Variants in RPH3A observed in about 807,000 individuals in gnomAD.
RPH3A encodes the protein rabphilin 3A, also known as rabphilin-3A.
RPH3A carries 48 observed loss-of-function variants against 102.2 expected under a neutral mutation model. The ratio of observed to expected loss-of-function variants is 0.47; its 90% CI spans 0.37 to 0.60. RPH3A has a LOEUF of 0.60. Among genes scored for constraint, RPH3A ranks in the 20% least tolerant of loss-of-function variants. The pLI, the probability that RPH3A is intolerant of heterozygous loss-of-function variation, is 0.00. For missense variants in RPH3A, 781 were observed against 910.1 expected, an observed-to-expected ratio of 0.86 and a Z score of 1.83; for synonymous variants, 310 against 324.3, an observed-to-expected ratio of 0.96 and a Z score of 0.47.
chr12:112,895,605 AG>A, intron 20 of RPH3A, 171 bp from the exon 21 acceptor site: 1 of 568,936 alleles, frequency 1.8e-6, no homozygotes. Flanking sequence ...GTTTGTTGGA[AG>A]GGGATCACGG....
intron 1 of RPH3A, among the ~76,000 whole-genome samples, chr12:112,758,035 A>G (rs533777107): frequency 6.6e-6 from 1 of 152,108 alleles, no homozygotes; most frequent in Non-Finnish European, 1.5e-5. Context: ...ACCCACCCTC[A>G]TGCTGGTGCT....
intron 2 of RPH3A, among the ~76,000 whole-genome samples, chr12:112,810,996 G>A (rs1167282503): frequency 1.3e-5 from 2 of 151,844 alleles, no homozygotes; most frequent in African/African-American, 4.8e-5. Context: ...TATAGATAAA[G>A]AGAGAGCGAG....
chr12:112,643,570 A>C lies in RPH3A; in HGVS notation c.-140+68251A>C, dbSNP rs904674203. On this transcript the variant is annotated intron_variant, in intron 1 of 21. Coordinates refer to the RPH3A transcript ENST00000543106. ...TTCTGCTACATGGGGCTTAAAATCCAGCCTCACTTTCATCTCAGTGTAAAA... is the reference window on the plus strand; with the variant it reads ...TTCTGCTACATGGGGCTTAAAATCCCGCCTCACTTTCATCTCAGTGTAAAA... Among the ~76,000 whole-genome samples the C allele has an allele frequency of 2.6e-5, 4 of 152,390 alleles. No homozygotes were observed. The South Asian group carries it at 8.3e-4, about 32-fold the overall frequency.
At chr12:112,753,405 G>A (rs1445335278) in intron 1 of RPH3A, among the ~76,000 whole-genome samples, 1 of 152,152 alleles carries the variant, frequency 6.6e-6, no homozygotes, top group Non-Finnish European at 1.5e-5. Context: ...ACACAGGGGA[G>A]GCAACAAATA....
chr12:112,887,842 T>C lies in RPH3A; in HGVS notation c.1482T>C (p.Ile494=). 6.2e-7 allele frequency: 1 copy of C among 1,613,998 alleles called. No individual in the cohort carries two copies. The highest frequency in any genetic ancestry group is 1.1e-5 in the South Asian group (1 of 91,080). Residue 494 remains isoleucine, a synonymous_variant, in exon 17 of 22, where the codon ATT becomes ATC. Transcript: ENST00000389385. ...ACAAATTTGGCCACAATGAATTTAT[T>C]GGTGAGACCAGATTCTCCCTCAAGA... ...DEDKFGHNEF[I]GETRFSLKKL... is the part of the protein sequence containing the mutation.
In RPH3A at chr12:112,864,376, G is replaced by A. The variant is rs528161306; in HGVS notation, c.231-1038G>A. ...TGAGGCAGGAGAATTGCTTGAACCC[G>A]GGAGGCAGAGGTTGCAGTGAGCCCA... On this transcript the variant is annotated intron_variant, in intron 5 of 21. Transcript: ENST00000389385. Among the ~76,000 whole-genome samples, 4 of 151,686 alleles carry A rather than the reference G, an allele frequency of 2.6e-5. No homozygotes were observed. In the South Asian group the frequency reaches 6.2e-4, roughly 24 times the overall value.
upstream of RPH3A, among the ~76,000 whole-genome samples, chr12:112,790,057 T>A (rs1226904738): frequency 1.3e-5 from 2 of 151,884 alleles, no homozygotes; most frequent in African/African-American, 2.4e-5. Flanking sequence ...AGACACTGTC[T>A]TTTTCTTTTT....
intron 5 of RPH3A, 87 bp downstream of exon 5, chr12:112,847,929 G>T (rs1182598139): frequency 1.2e-5 from 18 of 1,478,496 alleles, no homozygotes; most frequent in African/African-American, 5.6e-5. Flanking sequence ...CTCAAACGGG[G>T]TGTGCTGGGC....
chr12:112,684,128 G>C (rs145960939), intron 1 of RPH3A, among the ~76,000 whole-genome samples: 23 of 152,274 alleles, frequency 1.5e-4, no homozygotes, highest in African/African-American at 5.1e-4. Context: ...TGATTCCTAA[G>C]AGTAGAGTTG....
At chr12:112,806,013 AT>A (rs1268396128) in intron 2 of RPH3A, among the ~76,000 whole-genome samples, 9 of 152,352 alleles carry the variant, frequency 5.9e-5, no homozygotes, top group African/African-American at 2.2e-4. Flanking sequence ...TATTTGATTC[AT>A]TAATTGTATT....
At chr12:112,886,553 T>A (rs2136256940) in intron 16 of RPH3A, among the ~76,000 whole-genome samples, 1 of 152,258 alleles carries the variant, frequency 6.6e-6, no homozygotes, top group Admixed American at 6.5e-5. Flanking sequence ...GCTCACCTCC[T>A]CCTGTGCAGC....
chr12:112,728,433 T>C (rs1040403893), intron 1 of RPH3A, among the ~76,000 whole-genome samples: 3 of 152,168 alleles, frequency 2.0e-5, no homozygotes, highest in Admixed American at 6.5e-5. Flanking sequence ...AGGCATCAAA[T>C]GAACGCCCTC....
intron 1 of RPH3A, among the ~76,000 whole-genome samples, chr12:112,598,738 T>C (rs2039536318): frequency 6.6e-6 from 1 of 151,944 alleles, no homozygotes; most frequent in Admixed American, 6.6e-5. Context: ...AAGTTACCAA[T>C]AGCAGCAGCA....
intron 16 of RPH3A, among the ~76,000 whole-genome samples, chr12:112,886,376 A>C (rs1241939791): frequency 6.6e-6 from 1 of 152,052 alleles, no homozygotes; most frequent in Non-Finnish European, 1.5e-5. Context: ...TTACAGGATG[A>C]AACTGTTCCA....
At chr12:112,687,688 G>A (rs942773678) in intron 1 of RPH3A, among the ~76,000 whole-genome samples, 1 of 152,194 alleles carries the variant, frequency 6.6e-6, no homozygotes, top group African/African-American at 2.4e-5. Flanking sequence ...CTGCCAGATT[G>A]TGGATGCCAT....
intron 1 of RPH3A, among the ~76,000 whole-genome samples, chr12:112,689,506 A>T (rs2040291196): frequency 6.6e-6 from 1 of 152,242 alleles, no homozygotes; most frequent in Non-Finnish European, 1.5e-5. Flanking sequence ...CAGGCTGCTG[A>T]TTTGTAACCT....
intron 1 of RPH3A, among the ~76,000 whole-genome samples, chr12:112,716,099 G>A (rs547292730): frequency 2.0e-5 from 3 of 152,256 alleles, no homozygotes; most frequent in East Asian, 3.9e-4. Context: ...GAGGATGACC[G>A]GAGGTTACTT....
intron 19 of RPH3A, chr12:112,893,397 C>G (rs1395397600): frequency 6.6e-6 from 1 of 152,172 alleles, no homozygotes; most frequent in South Asian, 2.1e-4. Context: ...GGTAAAGTTA[C>G]GCTCATGTTT....
chr12:112,800,935 C>T (rs142512307), intron 2 of RPH3A, among the ~76,000 whole-genome samples: 261 of 152,182 alleles, frequency 1.7e-3, no homozygotes, highest in African/African-American at 6.2e-3. Context: ...CTAAAATGCA[C>T]GGTTCCCCTC....
Sources: gnomAD v4.1 joint callset for allele counts (sites outside exome capture counted in the v4.1 genomes callset) on GRCh38, gnomAD v4.1.1 for gene constraint, MANE v1.5 for transcripts, NCBI Gene and HGNC (gene_info 2026-07-23, HGNC 2026-07-21) for gene names.